The following KLHL32 variants were observed in gnomAD, a reference collection of about 807,000 sequenced individuals.
KLHL32 encodes the protein kelch like family member 32.
A neutral mutation model predicts 64.8 loss-of-function variants in KLHL32; 35 were observed. The observed-to-expected ratio is 0.54, with a 90% CI of 0.41 to 0.72. KLHL32 has a LOEUF of 0.72. Among genes scored for constraint, KLHL32 ranks in the 30% least tolerant of loss-of-function variants. The pLI is 0.00. For synonymous variants in KLHL32, 259 were observed against 281.0 expected, an observed-to-expected ratio of 0.92 and a Z score of 0.78; for missense variants, 589 against 768.5, an observed-to-expected ratio of 0.77 and a Z score of 2.76.
At chr6:97,085,493 G>GTTAA in intron 6 of KLHL32, 152 bp downstream of exon 6, 1 of 676,790 alleles carries the variant, frequency 1.5e-6, no homozygotes, top group Non-Finnish European at 2.5e-6. Flanking sequence ...CAAGTGATTG[G>GTTAA]AGAACACTGG....
the KLHL32 span, among the ~76,000 whole-genome samples, chr6:96,906,819 T>C: frequency 2.9e-3 from 437 of 152,298 alleles, 2 homozygotes; most frequent in African/African-American, 9.8e-3. Context: ...TTTGATTCCA[T>C]AGAAGCTCAG....
At chr6:97,097,741 A>G (rs1349441909) in intron 6 of KLHL32, among the ~76,000 whole-genome samples, 2 of 152,102 alleles carry the variant, frequency 1.3e-5, no homozygotes, top group African/African-American at 2.4e-5. Flanking sequence ...CGTCCTTATC[A>G]CTGCCTTCCA....
chr6:97,014,646 A>G (rs768802092), intron 3 of KLHL32, among the ~76,000 whole-genome samples: 8 of 152,200 alleles, frequency 5.3e-5, no homozygotes, highest in Non-Finnish European at 8.8e-5. Flanking sequence ...GTCACTGTCC[A>G]TGCAACAGTT....
At chr6:97,130,660 T>A in intron 8 of KLHL32, 97 bp from the exon 9 acceptor site, 1 of 847,754 alleles carries the variant, frequency 1.2e-6, no homozygotes. Flanking sequence ...TATTGATTGA[T>A]AAACATTAGG....
chr6:96,920,225 C>G (rs1023542895), upstream of KLHL32, among the ~76,000 whole-genome samples: 1 of 152,208 alleles, frequency 6.6e-6, no homozygotes, highest in Non-Finnish European at 1.5e-5. Context: ...GTTGGCATCA[C>G]AGACACCATC....
the KLHL32 span, among the ~76,000 whole-genome samples, chr6:96,915,908 T>A: frequency 0.58 from 88,541 of 151,668 alleles, 26,389 homozygotes; most frequent in African/African-American, 0.7. Flanking sequence ...TTTGCCTTTA[T>A]AAAGGTGCTC....
At chr6:97,077,206 T>A (rs1047671478) in intron 5 of KLHL32, among the ~76,000 whole-genome samples, 3 of 152,154 alleles carry the variant, frequency 2.0e-5, no homozygotes, top group African/African-American at 7.2e-5. Context: ...CTGATCTGGG[T>A]TGTCCCGCAG....
intron 10 of KLHL32, among the ~76,000 whole-genome samples, chr6:97,138,739 T>G (rs1800346977): frequency 6.6e-6 from 1 of 152,206 alleles, no homozygotes; most frequent in Non-Finnish European, 1.5e-5. Flanking sequence ...AAGGTCTTGT[T>G]TTCTTCATTT....
intron 1 of KLHL32, among the ~76,000 whole-genome samples, chr6:96,945,635 G>A (rs1771827484): frequency 6.6e-6 from 1 of 152,312 alleles, no homozygotes; most frequent in South Asian, 2.1e-4. Context: ...ACCCCTATGG[G>A]ATCCTGAGTG....
the KLHL32 span, among the ~76,000 whole-genome samples, chr6:96,902,251 TTTTG>T: frequency 2.0e-5 from 3 of 151,142 alleles, no homozygotes; most frequent in African/African-American, 7.3e-5. Context: ...CAGCATCTGT[TTTTG>T]TTTTTGTTTT....
rs1250287058 is a variant in KLHL32, at chr6:97,060,234, G to GA, written c.313-4393dup. Among the ~76,000 whole-genome samples the GA allele has an allele frequency of 5.1e-4, 78 of 151,640 alleles. 1 individual carries two copies. The highest frequency in any genetic ancestry group is 1.8e-3 in the African/African-American group (76 of 41,352). On this transcript the variant is annotated intron_variant, in intron 4 of 10. Coordinates refer to ENST00000369261, the MANE Select transcript of KLHL32 (RefSeq NM_052904.4). ...TGCCAACTCACTTGATCACAGGCAG[G>GA]AGAAAAAAAAAGGTCACACTGAGAC...
At chr6:96,970,005 T>C (rs1367622163) in intron 2 of KLHL32, among the ~76,000 whole-genome samples, 1 of 152,212 alleles carries the variant, frequency 6.6e-6, no homozygotes, top group African/African-American at 2.4e-5. Context: ...AAGCCAGAAA[T>C]ATAGGTGTCT....
chr6:96,952,292 A>G (rs946231773), intron 1 of KLHL32, among the ~76,000 whole-genome samples: 1 of 152,224 alleles, frequency 6.6e-6, no homozygotes, highest in African/African-American at 2.4e-5. Flanking sequence ...GTTTAATATT[A>G]GAAGTGTTTT....
At chr6:96,955,760 A>G (rs1773181398) in intron 1 of KLHL32, among the ~76,000 whole-genome samples, 1 of 152,092 alleles carries the variant, frequency 6.6e-6, no homozygotes, top group South Asian at 2.1e-4. Context: ...AACATGGTGA[A>G]ACCCCGTCTC....
At chr6:97,061,704 A>G (rs1255055158) in intron 4 of KLHL32, among the ~76,000 whole-genome samples, 1 of 152,204 alleles carries the variant, frequency 6.6e-6, no homozygotes, top group Non-Finnish European at 1.5e-5. Flanking sequence ...GTTGTTCTCC[A>G]TAAACCTGTG....
intron 3 of KLHL32, among the ~76,000 whole-genome samples, chr6:96,978,676 G>T (rs1775975435): frequency 6.6e-6 from 1 of 152,198 alleles, no homozygotes; most frequent in African/African-American, 2.4e-5. Flanking sequence ...GGGATTGCTG[G>T]GTTAAATGGT....
intron 1 of KLHL32, among the ~76,000 whole-genome samples, chr6:96,943,014 G>A (rs957309287): frequency 5.4e-5 from 8 of 148,080 alleles, no homozygotes; most frequent in Non-Finnish European, 7.4e-5. Flanking sequence ...AGAGAAATGA[G>A]ATGTATTGTT....
At chr6:97,095,787 G>A (rs950692778) in intron 6 of KLHL32, among the ~76,000 whole-genome samples, 5 of 152,216 alleles carry the variant, frequency 3.3e-5, no homozygotes, top group African/African-American at 1.2e-4. Flanking sequence ...GAGAAAGTGT[G>A]TGTGAGAGTG....
At chr6:97,134,243 A>G (rs1407269757) in intron 10 of KLHL32, among the ~76,000 whole-genome samples, 1 of 152,192 alleles carries the variant, frequency 6.6e-6, no homozygotes, top group Non-Finnish European at 1.5e-5. Flanking sequence ...ACTGGGAAAC[A>G]ATAATACAGG....
Sources: allele counts gnomAD v4.1 joint callset (sites outside exome capture counted in the v4.1 genomes callset), GRCh38; gene constraint gnomAD v4.1.1; transcripts MANE v1.5; gene names NCBI Gene and HGNC (gene_info 2026-07-23, HGNC 2026-07-21).